PCDH15: variants seen among roughly 807,000 people sequenced by gnomAD.
PCDH15 encodes protocadherin-15.
PCDH15 carries 129 observed loss-of-function variants against 178.5 expected under a neutral mutation model. That is an observed-to-expected ratio of 0.72 (90% CI 0.63 to 0.84). The LOEUF (loss-of-function observed/expected upper bound fraction) is 0.84, where lower values mean the gene tolerates loss of function less well. PCDH15 is among the 40% of genes least tolerant of loss of function. The pLI is 0.00. For missense variants in PCDH15, 2,230 were observed against 2,099.9 expected, an observed-to-expected ratio of 1.06 and a Z score of -1.21; for synonymous variants, 800 against 732.0, an observed-to-expected ratio of 1.09 and a Z score of -1.50.
intron 9 of PCDH15, among the ~76,000 whole-genome samples, chr10:54,217,277 G>A (rs144660881): frequency 0.022 from 3,318 of 151,946 alleles, 53 homozygotes; most frequent in South Asian, 0.076. Flanking sequence ...TTAGTTGTTG[G>A]CACAAGCACA....
At chr10:54,508,948 C>G (rs1260399462) in intron 3 of PCDH15, among the ~76,000 whole-genome samples, 2 of 152,026 alleles carry the variant, frequency 1.3e-5, no homozygotes, top group African/African-American at 4.8e-5. Context: ...TTACATTTCA[C>G]GTATACACAC....
chr10:55,217,782 A>C (rs1404295336), intron 1 of PCDH15, among the ~76,000 whole-genome samples: 1 of 152,020 alleles, frequency 6.6e-6, no homozygotes, highest in Non-Finnish European at 1.5e-5. Context: ...CTTTTTGTAC[A>C]TAAATACTTA....
At chr10:55,174,095 T>C (rs2132126516) in intron 1 of PCDH15, among the ~76,000 whole-genome samples, 1 of 152,336 alleles carries the variant, frequency 6.6e-6, no homozygotes, top group East Asian at 1.9e-4. Flanking sequence ...AATAGAATAC[T>C]GTTGTATAAC....
At chr10:54,578,269 C>A (rs1008099594) in intron 2 of PCDH15, among the ~76,000 whole-genome samples, 1 of 152,012 alleles carries the variant, frequency 6.6e-6, no homozygotes, top group Non-Finnish European at 1.5e-5. Context: ...ACAAATCAGT[C>A]TTTCTTCTGA....
intron 1 of PCDH15, among the ~76,000 whole-genome samples, chr10:54,673,060 G>A (rs1405786423): frequency 6.6e-6 from 1 of 151,664 alleles, no homozygotes; most frequent in African/African-American, 2.4e-5. Context: ...AAAATTAATT[G>A]GTAAAGCATG....
chr10:54,853,676 T>C (rs1953685477), intron 3 of PCDH15, among the ~76,000 whole-genome samples: 1 of 151,832 alleles, frequency 6.6e-6, no homozygotes, highest in Non-Finnish European at 1.5e-5. Flanking sequence ...TTTAAATGCA[T>C]TTGGCAGCAA....
chr10:54,236,424 T>G (rs2054629888), intron 9 of PCDH15, among the ~76,000 whole-genome samples: 1 of 152,084 alleles, frequency 6.6e-6, no homozygotes, highest in Non-Finnish European at 1.5e-5. Context: ...TTAAATTCAG[T>G]CATATATTAT....
chr10:55,451,328 C>A (rs1839430936), intron 2 of PCDH15, among the ~76,000 whole-genome samples: 1 of 151,884 alleles, frequency 6.6e-6, no homozygotes, highest in South Asian at 2.1e-4. Context: ...GAAACCCCAT[C>A]TCTACTAAGA....
At chr10:55,616,078 C>A (rs1589189085) in intron 2 of PCDH15, among the ~76,000 whole-genome samples, 2 of 152,298 alleles carry the variant, frequency 1.3e-5, no homozygotes, top group East Asian at 3.9e-4. Flanking sequence ...ACAACAGTTT[C>A]TTTCCTGCAG....
At chr10:55,183,627 G>A (rs1334628222) in intron 1 of PCDH15, among the ~76,000 whole-genome samples, 1 of 150,838 alleles carries the variant, frequency 6.6e-6, no homozygotes, top group Non-Finnish European at 1.5e-5. Flanking sequence ...AACTAAAACT[G>A]CTTACATTGT....
At chr10:55,457,527 C>T (rs1430860030) in intron 2 of PCDH15, among the ~76,000 whole-genome samples, 1 of 151,934 alleles carries the variant, frequency 6.6e-6, no homozygotes, top group African/African-American at 2.4e-5. Flanking sequence ...AAAACCTACT[C>T]AGTGTTCTTT....
intron 2 of PCDH15, among the ~76,000 whole-genome samples, chr10:55,534,503 T>C (rs1409800679): frequency 6.6e-6 from 1 of 151,818 alleles, no homozygotes; most frequent in Non-Finnish European, 1.5e-5. Context: ...GAAATGAAAA[T>C]CAAAACCACA....
intron 8 of PCDH15, among the ~76,000 whole-genome samples, chr10:54,312,697 C>T (rs2060985329): frequency 6.6e-6 from 1 of 152,068 alleles, no homozygotes; most frequent in Non-Finnish European, 1.5e-5. Flanking sequence ...TGGTAGCCAT[C>T]TAAGTTAATC....
intron 1 of PCDH15, among the ~76,000 whole-genome samples, chr10:54,734,550 A>T (rs369276593): frequency 6.6e-6 from 1 of 151,986 alleles, no homozygotes; most frequent in Non-Finnish European, 1.5e-5. Flanking sequence ...CACCACCCCT[A>T]GGTATTTACC....
chr10:54,356,531 A>T (rs137916381), intron 5 of PCDH15, among the ~76,000 whole-genome samples: 1 of 151,794 alleles, frequency 6.6e-6, no homozygotes, highest in East Asian at 1.9e-4. Flanking sequence ...TGGTATATAT[A>T]CACTTAATGT....
At chr10:55,087,073 G>T (rs1842189973) in intron 2 of PCDH15, among the ~76,000 whole-genome samples, 1 of 152,046 alleles carries the variant, frequency 6.6e-6, no homozygotes. Flanking sequence ...TTAAGATATT[G>T]CTTGGTGCCC....
intron 7 of PCDH15, among the ~76,000 whole-genome samples, chr10:54,323,057 T>G (rs1222944775): frequency 2.0e-5 from 3 of 152,016 alleles, no homozygotes; most frequent in Non-Finnish European, 2.9e-5. Context: ...GCAAGGGACA[T>G]GAACAGACAC....
intron 2 of PCDH15, among the ~76,000 whole-genome samples, chr10:54,949,457 G>C (rs1263744034): frequency 6.6e-6 from 1 of 151,890 alleles, no homozygotes; most frequent in Non-Finnish European, 1.5e-5. Flanking sequence ...CCTGCACTGG[G>C]AGGAACTGCT....
chr10:55,552,972 C>T (rs941925755), intron 2 of PCDH15, among the ~76,000 whole-genome samples: 3 of 151,442 alleles, frequency 2.0e-5, no homozygotes, highest in African/African-American at 7.2e-5. Context: ...TAATTAAAAG[C>T]CCATTAGGGA....
Sources: allele counts gnomAD v4.1 joint callset (sites outside exome capture counted in the v4.1 genomes callset), GRCh38; gene constraint gnomAD v4.1.1; transcripts MANE v1.5; gene names NCBI Gene and HGNC (gene_info 2026-07-23, HGNC 2026-07-21).